The following ZNF236 variants were observed in gnomAD, a reference collection of about 807,000 sequenced individuals.
ZNF236 encodes regulated by glucose.
Under a neutral mutation model 191.2 loss-of-function variants are expected in ZNF236, and 50 were observed. The ratio of observed to expected loss-of-function variants is 0.26; its 90% confidence interval spans 0.21 to 0.33. ZNF236 has a LOEUF of 0.33. Ranked by LOEUF, ZNF236 falls within the 10% of genes least tolerant of loss-of-function variation. ZNF236 has a pLI of 1.00. For missense variants in ZNF236, 1,754 were observed against 2,374.5 expected (o/e 0.74, Z 5.43); for synonymous variants, 907 against 928.8 (o/e 0.98, Z 0.43).
chr18:76,968,926 T>C lies in ZNF236; in HGVS notation c.*587T>C. 1.0e-6 allele frequency: 1 copy of C among 965,570 alleles called. No homozygotes were observed. Among genetic ancestry groups the C allele is most frequent in the Non-Finnish European group, 1.2e-6 (1 of 815,588 alleles). 59.8% of individuals were successfully genotyped at this position (965,570 alleles called of 1,614,324 possible). A position where few individuals can be genotyped will look rare whatever the true frequency, so the allele number is the denominator to read the frequency against. ...TTGAGAGATGGCTGGACCAATTCTC[T>C]CCATGACAAATGTTTAATCATTAGT... On this transcript the variant is annotated 3_prime_UTR_variant, in exon 31 of 31. Coordinates refer to ENST00000320610, the MANE Select transcript of ZNF236 (RefSeq NM_001306089.2).
intron 11 of ZNF236, among the ~76,000 whole-genome samples, chr18:76,900,414 T>A (rs1309098050): frequency 6.6e-6 from 1 of 151,934 alleles, no homozygotes; most frequent in African/African-American, 2.4e-5. Context: ...ATAAAAAGAG[T>A]TACTTAATAG....
chr18:76,956,329 T>C (rs1045604633), intron 28 of ZNF236, 147 bp downstream of exon 28: 1 of 908,514 alleles, frequency 1.1e-6, no homozygotes, highest in East Asian at 2.6e-5. Context: ...TGTAGATGTA[T>C]TGTTCCGGTT....
chr18:76,962,504 T>C (rs1968689761), intron 30 of ZNF236, among the ~76,000 whole-genome samples: 1 of 152,216 alleles, frequency 6.6e-6, no homozygotes, highest in Admixed American at 6.5e-5. Context: ...GCCTCCAGAT[T>C]TGTTCTTTTT....
rs553473887 is a variant in ZNF236 at position 76,939,097 on chromosome 18, T to C, written c.4782+1754T>C. Among the ~76,000 whole-genome samples the C allele has an allele frequency of 1.6e-4, 24 of 152,272 alleles. No individual in the cohort carries two copies. The East Asian group carries it at 4.6e-3, about 29-fold the overall frequency. On this transcript the variant is annotated intron_variant, in intron 26 of 30. Transcript: ENST00000320610. Reference sequence around the variant, plus strand: ...GCTCACACCTGTAATCCCAGCACTTTGGCAAGCCGAGATGGGCTTGAGGTG... The same window carrying C: ...GCTCACACCTGTAATCCCAGCACTTCGGCAAGCCGAGATGGGCTTGAGGTG...
chr18:76,952,069 G>A (rs1178642475), intron 27 of ZNF236, among the ~76,000 whole-genome samples: 1 of 152,132 alleles, frequency 6.6e-6, no homozygotes, highest in Non-Finnish European at 1.5e-5. Context: ...TAATAGATAC[G>A]CTGTAATGAA....
chr18:76,862,409 CG>C (rs763293066), intron 3 of ZNF236, among the ~76,000 whole-genome samples: 1 of 152,170 alleles, frequency 6.6e-6, no homozygotes, highest in Non-Finnish European at 1.5e-5. Context: ...ATTCTGCCCC[CG>C]TCCCTTGGGA....
In ZNF236 at chr18:76,968,322, C is replaced by T. The variant is rs779675535; in HGVS notation, c.5527C>T (p.Leu1843Phe). ...GGAGGCCGCCGGCGAGTGGCAGGCC[C>T]TCACCCACGTCTTCTGATGCGAGTT... The part of the protein sequence containing the change: ...VQEAAGEWQA[L>F]THVF Residue 1843 changes from leucine (L) to phenylalanine (F), a missense_variant, in exon 31 of 31, where the codon CTC becomes TTC. Leu to Phe is a conservative substitution (Grantham distance 22, BLOSUM62 0). Around this residue, in one of 5 missense-constraint regions of ZNF236, gnomAD observed 606 missense variants for 761.5 expected, o/e 0.80. Transcript: ENST00000320610. The T allele has an allele frequency of 1.9e-6, 3 of 1,607,704 alleles. No homozygotes were observed. The African/African-American group carries it at 4.0e-5, about 22-fold the overall frequency.
intron 13 of ZNF236, among the ~76,000 whole-genome samples, chr18:76,907,688 AT>A (rs975009762): frequency 1.0e-4 from 13 of 130,368 alleles, no homozygotes; most frequent in African/African-American, 1.7e-4. Context: ...ATTGTGTGAG[AT>A]TTTTTTCTTT....
intron 13 of ZNF236, among the ~76,000 whole-genome samples, chr18:76,907,672 C>G (rs576612526): frequency 8.6e-4 from 130 of 151,318 alleles, no homozygotes; most frequent in South Asian, 1.3e-3. Context: ...GCCTGTTAGT[C>G]AGATAATTGT....
intron 9 of ZNF236, among the ~76,000 whole-genome samples, chr18:76,892,589 T>C (rs578074): frequency 0.94 from 143,495 of 152,172 alleles, 67,729 homozygotes; most frequent in Non-Finnish European, 0.96. Context: ...CTTATTGAGA[T>C]GGAATTTCGC....
intron 1 of ZNF236, 123 bp downstream of exon 1, chr18:76,822,785 G>A (rs902134427): frequency 6.9e-6 from 1 of 145,126 alleles, no homozygotes; most frequent in Non-Finnish European, 1.5e-5. Flanking sequence ...GGGCCGCGCA[G>A]ACCCGGGCCG....
intron 11 of ZNF236, among the ~76,000 whole-genome samples, chr18:76,902,300 A>G (rs1002851828): frequency 6.6e-6 from 1 of 152,196 alleles, no homozygotes; most frequent in African/African-American, 2.4e-5. Context: ...CTTGGCTGTC[A>G]TAATCTTTGG....
rs2122801916 is a variant in ZNF236, at chr18:76,919,562, C to T, written c.3275-214C>T. Among the ~76,000 whole-genome samples, 1 of 152,252 alleles carries T rather than the reference C, an allele frequency of 6.6e-6. No homozygotes were observed. Among genetic ancestry groups the T allele is most frequent in the East Asian group, 1.9e-4 (1 of 5,180 alleles). On this transcript the variant is annotated intron_variant, in intron 19 of 30. Coordinates refer to ENST00000320610, the MANE Select transcript of ZNF236 (RefSeq NM_001306089.2). This position sits in a 1 kb window ranked among gnomAD's most constrained non-coding sequence, Gnocchi z 5.3. ...TTCACCAACCTCTGTTCATCCCCCG[C>T]CCCCCACTTTCCAGTACACTTGGCT... is the stretch of plus-strand genomic sequence containing the variant.
At chr18:76,885,830 C>G (rs537621278) in intron 9 of ZNF236, 1 of 152,372 alleles carries the variant, frequency 6.6e-6, no homozygotes, top group South Asian at 2.1e-4. Context: ...GAACATGGGA[C>G]CTCTGCTTCT....
chr18:76,928,059 C>T lies in ZNF236; in HGVS notation c.4547C>T (p.Ala1516Val), dbSNP rs758231229. The T allele has an allele frequency of 1.2e-5, 19 of 1,613,788 alleles. No individual in the cohort carries two copies. In the South Asian group the frequency reaches 1.9e-4, roughly 16 times the overall value. Residue 1516 changes from alanine to valine, a missense_variant, in exon 25 of 31, where the codon GCC becomes GTC. Around this residue, in one of 5 missense-constraint regions of ZNF236, gnomAD observed 606 missense variants for 761.5 expected, o/e 0.80. Transcript: ENST00000320610. ...CTGGCACAGGCCGCTGGGCCCACTG[C>T]CACGTCTTCCTCGGGGTCTCCACAG... is the stretch of plus-strand genomic sequence containing the variant. ...QVLAQAAGPT[A>V]TSSSGSPQEI...
chr18:76,911,712 A>G (rs1967222343), intron 16 of ZNF236, among the ~76,000 whole-genome samples: 1 of 152,166 alleles, frequency 6.6e-6, no homozygotes, highest in South Asian at 2.1e-4. Context: ...GCATGGATCT[A>G]TTATAGAGTG....
chr18:76,871,720 T>C lies in ZNF236; in HGVS notation c.562T>C (p.Tyr188His), dbSNP rs1191863156. 6.2e-7 allele frequency: 1 copy of C among 1,614,222 alleles called. No homozygotes were observed. The highest frequency in any genetic ancestry group is 1.7e-5 in the Admixed American group (1 of 60,028). ...CACTAGGGTATCAAGTACAAGGTCT[T>C]ATAACCGGAATATCGACAGAAGTGG... ...YKIRVSSTRS[Y>H]NRNIDRSGFT... The change falls in exon 5 of 31, where the codon TAT becomes CAT. Residue 188 changes from tyrosine (Y) to histidine (H), a missense_variant. Transcript: ENST00000320610.
intron 30 of ZNF236, among the ~76,000 whole-genome samples, chr18:76,966,092 G>A (rs774225918): frequency 1.8e-4 from 28 of 152,196 alleles, no homozygotes; most frequent in African/African-American, 2.4e-5. Flanking sequence ...CCTGGGTCCT[G>A]CAGGAGCAAT....
intron 30 of ZNF236, among the ~76,000 whole-genome samples, chr18:76,961,633 C>G (rs915358030): frequency 6.6e-6 from 1 of 152,108 alleles, no homozygotes; most frequent in Non-Finnish European, 1.5e-5. Flanking sequence ...TTTAAGGAAT[C>G]TCTACACTGT....
Sources: gnomAD v4.1 joint callset for allele counts (sites outside exome capture counted in the v4.1 genomes callset) on GRCh38, gnomAD v4.1.1 for gene constraint, gnomAD v4.1.1 regional missense constraint, Gnocchi (gnomAD v3.1) non-coding constraint, MANE v1.5 for transcripts, NCBI Gene and HGNC (gene_info 2026-07-23, HGNC 2026-07-21) for gene names.